CADPS: variants seen among roughly 807,000 people sequenced by gnomAD.
CADPS encodes calcium dependent secretion activator.
Under a neutral mutation model 167.3 loss-of-function variants are expected in CADPS, and 57 were observed. That is an observed-to-expected ratio of 0.34 (90% CI 0.28 to 0.42). CADPS has a LOEUF of 0.42. Ranked by LOEUF, CADPS falls within the 20% of genes least tolerant of loss-of-function variation. The probability of loss-of-function intolerance (pLI) is 1.00; values close to 1 mark genes in which losing one functional copy is unlikely to be tolerated. For synonymous variants in CADPS, 676 were observed against 635.3 expected (o/e 1.06, Z -0.96); for missense variants, 1,414 against 1,738.1 (o/e 0.81, Z 3.32).
chr3:62,799,674 A>G (rs1271224062), intron 1 of CADPS, among the ~76,000 whole-genome samples: 2 of 152,086 alleles, frequency 1.3e-5, no homozygotes, highest in Non-Finnish European at 2.9e-5. Flanking sequence ...GCTATTTTTA[A>G]TGTATAAGTG....
chr3:62,795,074 T>C (rs550467522), intron 1 of CADPS, among the ~76,000 whole-genome samples: 3 of 152,178 alleles, frequency 2.0e-5, no homozygotes, highest in East Asian at 1.9e-4. Context: ...GAACTCAGAC[T>C]CTCCATCTCT....
intron 3 of CADPS, among the ~76,000 whole-genome samples, chr3:62,680,389 C>T (rs1340776193): frequency 6.6e-6 from 1 of 152,026 alleles, no homozygotes; most frequent in Non-Finnish European, 1.5e-5. Flanking sequence ...TGTCCTCAAG[C>T]AGAATTATCT....
chr3:62,662,533 T>A, intron 3 of CADPS, 139 bp from the exon 4 acceptor site: 1 of 679,508 alleles, frequency 1.5e-6, no homozygotes, highest in Non-Finnish European at 2.5e-6. Context: ...AACCGACAAA[T>A]CCAGTCTGAG....
intron 10 of CADPS, among the ~76,000 whole-genome samples, chr3:62,556,246 G>A (rs560511846): frequency 2.8e-4 from 43 of 152,200 alleles, no homozygotes; most frequent in Admixed American, 6.5e-5. Context: ...TCCAGGCAGA[G>A]CATTTAATTC....
intron 28 of CADPS, among the ~76,000 whole-genome samples, chr3:62,415,005 C>A (rs1016778951): frequency 6.6e-6 from 1 of 152,126 alleles, no homozygotes; most frequent in Admixed American, 6.5e-5. Flanking sequence ...GGGACACAGA[C>A]CCTCCCGTCT....
intron 3 of CADPS, among the ~76,000 whole-genome samples, chr3:62,727,150 T>A (rs572092236): frequency 6.6e-6 from 1 of 151,772 alleles, no homozygotes; most frequent in African/African-American, 2.4e-5. Context: ...AGAAAGAGAA[T>A]TGAGTGCTAG....
At chr3:62,776,040 A>G (rs2090200052) in intron 1 of CADPS, among the ~76,000 whole-genome samples, 1 of 152,198 alleles carries the variant, frequency 6.6e-6, no homozygotes, top group South Asian at 2.1e-4. Context: ...ATGTTAACAT[A>G]GTGAGAAAAA....
chr3:62,635,560 G>T (rs1436545670), intron 6 of CADPS, among the ~76,000 whole-genome samples: 1 of 151,786 alleles, frequency 6.6e-6, no homozygotes, highest in Non-Finnish European at 1.5e-5. Context: ...GTGTGTGTAT[G>T]TATTTTATTC....
chr3:62,751,765 GA>G (rs2082755582), intron 3 of CADPS, among the ~76,000 whole-genome samples: 1 of 152,048 alleles, frequency 6.6e-6, no homozygotes, highest in Non-Finnish European at 1.5e-5. Flanking sequence ...CTTTATTCTG[GA>G]GAGAGAAGAT....
In CADPS at chr3:62,660,681, C is replaced by T. The variant is rs529250149; in HGVS notation, c.969+1633G>A. On this transcript the variant is annotated intron_variant, in intron 4 of 29. Coordinates refer to ENST00000383710, the MANE Select transcript of CADPS (RefSeq NM_003716.4). ...CTCTACCCTGTGCCCACCCTCCCTG[C>T]TGTTTCTAATAACCCCCACCCTCAT... 3.3e-5 allele frequency among the ~76,000 whole-genome samples: 5 copies of T among 152,266 alleles called. No individual in the cohort carries two copies. The East Asian group carries it at 7.7e-4, about 24-fold the overall frequency.
intron 1 of CADPS, among the ~76,000 whole-genome samples, chr3:62,768,570 C>T (rs2087588086): frequency 6.6e-6 from 1 of 152,152 alleles, no homozygotes; most frequent in South Asian, 2.1e-4. Context: ...ATCACCCACA[C>T]TCTGCCCAGC....
rs966508868 is a variant in CADPS, at chr3:62,516,069, G to A, written c.2571C>T (p.Ala857=). ...LVNYSRLSEY[A]KIEENQKDAE... The stretch of plus-strand genomic sequence containing the variant: ...AGAAGGGAGCCTTACCTTCGATTTT[G>A]GCATACTCTGAGAGCCGAGAATAGT... Residue 857 remains alanine, a synonymous_variant, in exon 16 of 30, where the codon GCC becomes GCT. Coordinates refer to ENST00000383710, the MANE Select transcript of CADPS (RefSeq NM_003716.4). 7.4e-6 allele frequency: 12 copies of A among 1,612,926 alleles called. No individual in the cohort carries two copies. In the African/African-American group the frequency reaches 1.6e-4, roughly 22 times the overall value.
chr3:62,572,770 G>A (rs1346063737), intron 8 of CADPS, among the ~76,000 whole-genome samples: 1 of 152,152 alleles, frequency 6.6e-6, no homozygotes, highest in Non-Finnish European at 1.5e-5. Context: ...TATCTACAGG[G>A]AATTGGTTCC....
intron 27 of CADPS, chr3:62,439,778 G>C (rs551954676): frequency 2.0e-5 from 3 of 152,182 alleles, no homozygotes; most frequent in South Asian, 2.1e-4. Flanking sequence ...TTAGAGCTAA[G>C]GTACAAAGTC....
At chr3:62,843,124 G>A (rs1224628124) in intron 1 of CADPS, among the ~76,000 whole-genome samples, 1 of 151,924 alleles carries the variant, frequency 6.6e-6, no homozygotes, top group African/African-American at 2.4e-5. Flanking sequence ...TTCCTGACCT[G>A]TGAAAACATT....
intron 3 of CADPS, among the ~76,000 whole-genome samples, chr3:62,714,800 G>A (rs2084099612): frequency 6.6e-6 from 1 of 151,756 alleles, no homozygotes; most frequent in African/African-American, 2.4e-5. Context: ...TTTTTTCTGG[G>A]GTCAGTAAAA....
chr3:62,410,562 C>G lies in CADPS; in HGVS notation c.3778-7377G>C, dbSNP rs116634167. Reference sequence around the variant, plus strand: ...GCTAAGAAAATGCACGTGACTCAGACCACTTGTGTTTGGATCCTGACAAAT... The same window carrying G: ...GCTAAGAAAATGCACGTGACTCAGAGCACTTGTGTTTGGATCCTGACAAAT... On this transcript the variant is annotated intron_variant, in intron 28 of 29. Transcript: ENST00000383710. Among the ~76,000 whole-genome samples, 469 of 152,326 alleles carry G rather than the reference C, an allele frequency of 3.1e-3. 5 individuals are homozygous for G. The highest frequency in any genetic ancestry group is 0.011 in the African/African-American group (441 of 41,574).
chr3:62,531,525 G>C (rs1452883334), intron 13 of CADPS, among the ~76,000 whole-genome samples: 1 of 151,856 alleles, frequency 6.6e-6, no homozygotes, highest in African/African-American at 2.4e-5. Flanking sequence ...AGGAGGAAAA[G>C]CACAGAAAAA....
intron 1 of CADPS, among the ~76,000 whole-genome samples, chr3:62,802,940 G>A (rs1283642924): frequency 6.6e-6 from 1 of 152,118 alleles, no homozygotes; most frequent in Non-Finnish European, 1.5e-5. Flanking sequence ...ACACTGTTAA[G>A]AGGCACTAGT....
Sources: gnomAD v4.1 joint callset for allele counts (sites outside exome capture counted in the v4.1 genomes callset) on GRCh38, gnomAD v4.1.1 for gene constraint, MANE v1.5 for transcripts, NCBI Gene and HGNC (gene_info 2026-07-23, HGNC 2026-07-21) for gene names.